The following ADGRB3 variants were observed in gnomAD, a reference collection of about 807,000 sequenced individuals.
ADGRB3 encodes the protein adhesion G protein-coupled receptor B3, also known as brain-specific angiogenesis inhibitor 3.
Under a neutral mutation model 193.4 loss-of-function variants are expected in ADGRB3, and 37 were observed. The ratio of observed to expected loss-of-function variants is 0.19; its 90% CI spans 0.15 to 0.25. The LOEUF (loss-of-function observed/expected upper bound fraction) is 0.25. ADGRB3 is among the 10% of genes least tolerant of loss of function. The pLI is 1.00. For missense variants in ADGRB3, 1,637 were observed against 1,852.9 expected, an observed-to-expected ratio of 0.88 and a Z score of 2.14; for synonymous variants, 690 against 644.2, an observed-to-expected ratio of 1.07 and a Z score of -1.08.
Position 69,259,557 on chromosome 6 carries a change from T to G in ADGRB3, c.2814+20331T>G, listed in dbSNP as rs368730193. Among the ~76,000 whole-genome samples, 178 of 151,816 alleles carry G rather than the reference T, an allele frequency of 1.2e-3. 2 individuals carry two copies. The South Asian group carries it at 0.03, about 25-fold the overall frequency. On this transcript the variant is annotated intron_variant, in intron 20 of 31. Coordinates refer to ENST00000370598, the MANE Select transcript of ADGRB3 (RefSeq NM_001704.3). ...AAAAAACGCAAAAAAATAGCCGGGC[T>G]TGGTGGCGGGCACCTGTAGTCCCAG...
chr6:69,359,081 G>GT (rs1205043326), intron 28 of ADGRB3, among the ~76,000 whole-genome samples: 1 of 151,254 alleles, frequency 6.6e-6, no homozygotes, highest in South Asian at 2.1e-4. Flanking sequence ...TTCCTTTATA[G>GT]TTTTTTAATA....
intron 17 of ADGRB3, among the ~76,000 whole-genome samples, chr6:69,170,197 A>G (rs900001216): frequency 1.8e-4 from 28 of 152,162 alleles, no homozygotes; most frequent in Non-Finnish European, 3.8e-4. Flanking sequence ...CCAAATTTTT[A>G]TAATAAGGCC....
chr6:68,762,369 C>T (rs920712238), intron 3 of ADGRB3, among the ~76,000 whole-genome samples: 5 of 151,918 alleles, frequency 3.3e-5, no homozygotes, highest in South Asian at 2.1e-4. Flanking sequence ...AAGTGAGTAA[C>T]GATGAGCAAT....
intron 17 of ADGRB3, among the ~76,000 whole-genome samples, chr6:69,129,954 T>C (rs933811792): frequency 6.6e-6 from 1 of 152,166 alleles, no homozygotes; most frequent in Admixed American, 6.6e-5. Flanking sequence ...CCAACTTTTA[T>C]AGAATCTAGT....
chr6:69,282,345 G>A (rs933115816), intron 20 of ADGRB3, among the ~76,000 whole-genome samples: 1 of 152,044 alleles, frequency 6.6e-6, no homozygotes, highest in Non-Finnish European at 1.5e-5. Flanking sequence ...AATAAAAAAA[G>A]CAGTACAAAA....
chr6:68,811,316 C>T (rs1767508282), intron 3 of ADGRB3, among the ~76,000 whole-genome samples: 1 of 152,100 alleles, frequency 6.6e-6, no homozygotes, highest in African/African-American at 2.4e-5. Flanking sequence ...TTTCTACATG[C>T]ATATTCAAAC....
At chr6:68,794,556 C>A (rs528344791) in intron 3 of ADGRB3, among the ~76,000 whole-genome samples, 2 of 152,168 alleles carry the variant, frequency 1.3e-5, no homozygotes, top group African/African-American at 4.8e-5. Context: ...TTAATATTCA[C>A]AACAACCCTT....
intron 17 of ADGRB3, among the ~76,000 whole-genome samples, chr6:69,144,876 GTTC>G (rs1328971181): frequency 7.9e-5 from 11 of 139,334 alleles, no homozygotes; most frequent in African/African-American, 2.4e-4. Flanking sequence ...TTGTTTGAGT[GTTC>G]TTTCTTTCTT....
chr6:68,764,477 AGATATCAGACTGCTCGAGCAGACTCT>A (rs1182636795), intron 3 of ADGRB3, among the ~76,000 whole-genome samples: 3 of 152,220 alleles, frequency 2.0e-5, no homozygotes, highest in Non-Finnish European at 4.4e-5. Context: ...GGTGAACAGG[AGATATCAGACTGCTCGAGCAGACTCT>A]GAAAGTGAGC....
At chr6:68,872,126 G>A (rs1296270228) in intron 3 of ADGRB3, among the ~76,000 whole-genome samples, 1 of 152,172 alleles carries the variant, frequency 6.6e-6, no homozygotes, top group Non-Finnish European at 1.5e-5. Flanking sequence ...TTGGAGAGCA[G>A]TTGGAAGGAT....
At chr6:68,947,954 A>G (rs1314962300) in intron 6 of ADGRB3, among the ~76,000 whole-genome samples, 1 of 152,064 alleles carries the variant, frequency 6.6e-6, no homozygotes, top group Non-Finnish European at 1.5e-5. Flanking sequence ...GGATCTCAGC[A>G]ATGGAGTGTT....
chr6:69,137,511 C>G (rs1318326211), intron 17 of ADGRB3, among the ~76,000 whole-genome samples: 3 of 151,974 alleles, frequency 2.0e-5, no homozygotes, highest in Non-Finnish European at 2.9e-5. Context: ...TAAGAAATAG[C>G]CCCTTGTCCA....
intron 20 of ADGRB3, among the ~76,000 whole-genome samples, chr6:69,324,554 A>G (rs1490985343): frequency 6.6e-6 from 1 of 152,180 alleles, no homozygotes; most frequent in African/African-American, 2.4e-5. Context: ...AGAAAAGAGA[A>G]TTTTCATAAT....
At chr6:68,941,903 G>C (rs1767653449) in intron 5 of ADGRB3, among the ~76,000 whole-genome samples, 1 of 149,642 alleles carries the variant, frequency 6.7e-6, no homozygotes, top group East Asian at 1.9e-4. Flanking sequence ...TTTTATTAGA[G>C]CTAAATATAG....
intron 17 of ADGRB3, among the ~76,000 whole-genome samples, chr6:69,200,694 T>TCTCA (rs1484430985): frequency 6.6e-6 from 1 of 151,796 alleles, no homozygotes; most frequent in Non-Finnish European, 1.5e-5. Flanking sequence ...CTCCCTGGAG[T>TCTCA]CTCACATGGC....
At chr6:69,065,207 A>G (rs1771866104) in intron 16 of ADGRB3, among the ~76,000 whole-genome samples, 1 of 152,198 alleles carries the variant, frequency 6.6e-6, no homozygotes, top group African/African-American at 2.4e-5. Flanking sequence ...GTATACATGT[A>G]GAAATCTGTT....
rs1052999138 is a variant in ADGRB3, at chr6:69,234,906, A to G, written c.2608-126A>G. 4.1e-5 allele frequency: 27 copies of G among 661,668 alleles called. No individual in the cohort carries two copies. In the African/African-American group the frequency reaches 4.2e-4, roughly 10 times the overall value. 41.0% of individuals were successfully genotyped at this position (661,668 alleles called of 1,614,324 possible). A position where few individuals can be genotyped will look rare whatever the true frequency, so the allele number is the denominator to read the frequency against. The stretch of plus-strand genomic sequence containing the variant: ...CAAGAACAGAGTGGATTCATGGGTA[A>G]CTATCTGGTAACTATAACAACTATA... On this transcript the variant is annotated intron_variant, in intron 18 of 31. Coordinates refer to ENST00000370598, the MANE Select transcript of ADGRB3 (RefSeq NM_001704.3).
chr6:68,996,128 T>G (rs1418609976), intron 11 of ADGRB3, among the ~76,000 whole-genome samples: 2 of 152,152 alleles, frequency 1.3e-5, no homozygotes, highest in African/African-American at 4.8e-5. Flanking sequence ...TTCTTGCATT[T>G]CTCCACTTTT....
rs190806927 is a variant in ADGRB3, at chr6:69,237,950, T to C, written c.2712-1174T>C. On this transcript the variant is annotated intron_variant, in intron 19 of 31. Transcript: ENST00000370598. ...AGATTTGATCTAAGTTAGTCCCATT[T>C]GAGTTTGTTTTGTGACCAAAGGGAA... Among the ~76,000 whole-genome samples, 51 of 152,232 alleles carry C rather than the reference T, an allele frequency of 3.4e-4. 1 individual carries two copies. Among genetic ancestry groups the C allele is most frequent in the Admixed American group, 1.4e-3 (22 of 15,268 alleles).
Sources: gnomAD v4.1 joint callset for allele counts (sites outside exome capture counted in the v4.1 genomes callset) on GRCh38, gnomAD v4.1.1 for gene constraint, MANE v1.5 for transcripts, NCBI Gene and HGNC (gene_info 2026-07-23, HGNC 2026-07-21) for gene names.